The following CACNA2D3 variants were observed in gnomAD, a reference collection of about 807,000 sequenced individuals.
The protein encoded by CACNA2D3 is voltage-dependent calcium channel subunit alpha-2/delta-3.
Under a neutral mutation model 160.6 loss-of-function variants are expected in CACNA2D3, and 60 were observed. That is an observed-to-expected ratio of 0.37 (90% CI 0.30 to 0.46). CACNA2D3 has a LOEUF of 0.46. CACNA2D3 is among the 20% of genes least tolerant of loss of function. The pLI is 1.00. For missense variants in CACNA2D3, 1,205 were observed against 1,365.0 expected (o/e 0.88, Z 1.85); for synonymous variants, 558 against 492.9 (o/e 1.13, Z -1.75).
At chr3:54,913,299 A>G (rs1273028426) in intron 27 of CACNA2D3, among the ~76,000 whole-genome samples, 2 of 152,122 alleles carry the variant, frequency 1.3e-5, no homozygotes, top group African/African-American at 2.4e-5. Context: ...CCAAGGCTGC[A>G]CTTCTGCTTT....
chr3:54,660,738 A>G (rs1441108086), intron 11 of CACNA2D3, among the ~76,000 whole-genome samples: 2 of 152,196 alleles, frequency 1.3e-5, no homozygotes. Flanking sequence ...ACTGCAGCCC[A>G]GCACGCCAGG....
intron 5 of CACNA2D3, among the ~76,000 whole-genome samples, chr3:54,552,129 T>TA (rs1575340936): frequency 6.6e-6 from 1 of 152,140 alleles, no homozygotes; most frequent in East Asian, 1.9e-4. Context: ...CAAATGCTGA[T>TA]AGTGATGCAG....
intron 27 of CACNA2D3, among the ~76,000 whole-genome samples, chr3:54,965,041 G>A (rs987742608): frequency 1.3e-5 from 2 of 152,038 alleles, no homozygotes; most frequent in Non-Finnish European, 2.9e-5. Flanking sequence ...TGGCACCAAC[G>A]GCAGATGTCA....
chr3:54,495,025 T>C (rs1377827923), intron 4 of CACNA2D3, among the ~76,000 whole-genome samples: 1 of 152,156 alleles, frequency 6.6e-6, no homozygotes, highest in African/African-American at 2.4e-5. Flanking sequence ...GGTGGGGACA[T>C]AGAGCCAAAC....
At chr3:54,541,634 G>T (rs552073501) in intron 5 of CACNA2D3, among the ~76,000 whole-genome samples, 4 of 152,304 alleles carry the variant, frequency 2.6e-5, no homozygotes, top group South Asian at 2.1e-4. Context: ...ACTAGCCAGG[G>T]CTCTTCTGAG....
intron 13 of CACNA2D3, among the ~76,000 whole-genome samples, chr3:54,774,877 G>A (rs983395091): frequency 6.6e-6 from 1 of 151,790 alleles, no homozygotes; most frequent in Non-Finnish European, 1.5e-5. Flanking sequence ...CTTGTGATCT[G>A]CCTGCCTTAG....
chr3:54,867,528 T>TA (rs10663088), intron 17 of CACNA2D3, among the ~76,000 whole-genome samples: 60,594 of 137,738 alleles, frequency 0.44, 14,609 homozygotes, highest in Non-Finnish European at 0.56. Flanking sequence ...AAGCCAGCTT[T>TA]AAAAAAAAAA....
intron 4 of CACNA2D3, among the ~76,000 whole-genome samples, chr3:54,493,291 G>A (rs1033064706): frequency 1.3e-5 from 2 of 151,830 alleles, no homozygotes; most frequent in Non-Finnish European, 2.9e-5. Flanking sequence ...TGTCCAGGCT[G>A]GTCTCGAACT....
chr3:54,891,581 T>C, intron 25 of CACNA2D3, 131 bp downstream of exon 25: 1 of 708,054 alleles, frequency 1.4e-6, no homozygotes, highest in South Asian at 1.9e-5. Flanking sequence ...CCTATTGAGA[T>C]TTTTCCTCTC....
At chr3:54,943,837 T>A (rs1701541238) in intron 27 of CACNA2D3, among the ~76,000 whole-genome samples, 1 of 152,178 alleles carries the variant, frequency 6.6e-6, no homozygotes, top group East Asian at 1.9e-4. Flanking sequence ...CCTATTTTTC[T>A]CTGTCATCTC....
At chr3:54,515,901 G>C (rs1701542937) in intron 5 of CACNA2D3, among the ~76,000 whole-genome samples, 1 of 152,224 alleles carries the variant, frequency 6.6e-6, no homozygotes, top group African/African-American at 2.4e-5. Flanking sequence ...CTCACTGACA[G>C]AGAACTTTCA....
chr3:54,788,222 C>T (rs1410941631), intron 13 of CACNA2D3, among the ~76,000 whole-genome samples: 2 of 152,118 alleles, frequency 1.3e-5, no homozygotes, highest in African/African-American at 4.8e-5. Context: ...AACCTTTTAC[C>T]TTTTTTGTAC....
intron 29 of CACNA2D3, among the ~76,000 whole-genome samples, chr3:54,981,275 G>A (rs897810900): frequency 2.0e-5 from 3 of 152,128 alleles, no homozygotes; most frequent in African/African-American, 7.2e-5. Flanking sequence ...GGAGTCCTAG[G>A]CTCGCACTGT....
intron 2 of CACNA2D3, among the ~76,000 whole-genome samples, chr3:54,196,874 C>T (rs1294953375): frequency 1.3e-5 from 2 of 152,192 alleles, no homozygotes; most frequent in East Asian, 3.8e-4. Context: ...GCGTCCGATA[C>T]ATTATCGACG....
chr3:54,205,157 A>G lies in CACNA2D3; in HGVS notation c.204+81563A>G, dbSNP rs948984796. Among the ~76,000 whole-genome samples, 12 of 152,328 alleles carry G rather than the reference A, an allele frequency of 7.9e-5. No individual in the cohort carries two copies. The South Asian group carries it at 1.9e-3, about 24-fold the overall frequency. ...TAACCACGGCTACGTGAGGATAACA[A>G]TAGAGGGGGGAAAGTTATCACAGAT... On this transcript the variant is annotated intron_variant, in intron 2 of 37. Transcript: ENST00000474759.
intron 2 of CACNA2D3, among the ~76,000 whole-genome samples, chr3:54,165,114 ATTTTTTTT>A (rs397961895): frequency 8.5e-6 from 1 of 117,888 alleles, no homozygotes; most frequent in Non-Finnish European, 1.7e-5. Flanking sequence ...TCTGAATCTC[ATTTTTTTT>A]TTTTTTTTTT....
intron 35 of CACNA2D3, among the ~76,000 whole-genome samples, chr3:55,037,172 A>C (rs1038008664): frequency 1.3e-5 from 2 of 152,240 alleles, no homozygotes; most frequent in African/African-American, 4.8e-5. Flanking sequence ...AGACAAAAGA[A>C]GAAGAAACCA....
chr3:54,731,785 A>G (rs939226211), intron 11 of CACNA2D3, among the ~76,000 whole-genome samples: 2 of 152,066 alleles, frequency 1.3e-5, no homozygotes, highest in Non-Finnish European at 2.9e-5. Flanking sequence ...ATTTTAAATG[A>G]GGCATGACTG....
chr3:54,452,706 T>G (rs984330091), intron 4 of CACNA2D3, among the ~76,000 whole-genome samples: 6 of 152,142 alleles, frequency 3.9e-5, no homozygotes, highest in African/African-American at 1.4e-4. Context: ...TACCACAAAG[T>G]TGTGGCTTAA....
Sources: gnomAD v4.1 joint callset for allele counts (sites outside exome capture counted in the v4.1 genomes callset) on GRCh38, gnomAD v4.1.1 for gene constraint, MANE v1.5 for transcripts, NCBI Gene and HGNC (gene_info 2026-07-23, HGNC 2026-07-21) for gene names.